The following IFT43 variants were observed in gnomAD, a reference collection of about 807,000 sequenced individuals.
IFT43 encodes the protein intraflagellar transport 43, also known as intraflagellar transport protein 43 homolog.
A neutral mutation model predicts 32.3 loss-of-function variants in IFT43; 33 were observed. The observed-to-expected ratio is 1.02, with a 90% CI of 0.77 to 1.37. The LOEUF (loss-of-function observed/expected upper bound fraction) is 1.37, where lower values mean the gene tolerates loss of function less well. IFT43 is among the 40% of genes most tolerant of loss of function. IFT43 has a pLI of 0.00. For synonymous variants in IFT43, 93 were observed against 98.2 expected (o/e 0.95, Z 0.31); for missense variants, 274 against 265.9 (o/e 1.03, Z -0.21).
intron 3 of IFT43, among the ~76,000 whole-genome samples, chr14:76,044,617 C>T (rs2140016261): frequency 6.6e-6 from 1 of 152,266 alleles, no homozygotes; most frequent in Admixed American, 6.5e-5. Flanking sequence ...GAGTAGGTTC[C>T]CCTGGTACCA....
intron 3 of IFT43, among the ~76,000 whole-genome samples, chr14:76,054,745 C>T (rs962656745): frequency 6.6e-5 from 10 of 152,252 alleles, no homozygotes; most frequent in Non-Finnish European, 1.3e-4. Context: ...AGAAATAAAC[C>T]GGCAGCCCAA....
intron 3 of IFT43, among the ~76,000 whole-genome samples, chr14:76,053,431 T>C (rs941789680): frequency 6.6e-6 from 1 of 151,898 alleles, no homozygotes; most frequent in Non-Finnish European, 1.5e-5. Flanking sequence ...ACTGGGTGAG[T>C]GTGGAGCTGA....
chr14:76,041,557 A>G (rs2036707470), intron 3 of IFT43, among the ~76,000 whole-genome samples: 1 of 152,238 alleles, frequency 6.6e-6, no homozygotes, highest in South Asian at 2.1e-4. Flanking sequence ...CTGTTTTTTA[A>G]TAAAGTCCTT....
chr14:76,024,202 G>A (rs942548364), intron 3 of IFT43, among the ~76,000 whole-genome samples: 2 of 152,178 alleles, frequency 1.3e-5, no homozygotes, highest in African/African-American at 2.4e-5. Context: ...TGAGATCTTC[G>A]GCCATCCAGG....
intron 2 of IFT43, among the ~76,000 whole-genome samples, chr14:75,999,264 TATATATATGTA>T (rs1566699547): frequency 1.6e-3 from 41 of 26,092 alleles, no homozygotes; most frequent in South Asian, 3.0e-3. Context: ...TATATATATA[TATATATATGTA>T]TATATATTTT....
At chr14:76,073,856 C>T (rs1225507412) in intron 5 of IFT43, among the ~76,000 whole-genome samples, 2 of 152,132 alleles carry the variant, frequency 1.3e-5, no homozygotes, top group African/African-American at 4.8e-5. Flanking sequence ...AGGACCCGTT[C>T]TCCCCCTCCC....
At chr14:76,016,184 G>C (rs1299595329) in intron 2 of IFT43, among the ~76,000 whole-genome samples, 2 of 152,054 alleles carry the variant, frequency 1.3e-5, no homozygotes, top group South Asian at 4.1e-4. Flanking sequence ...TTTTTATACT[G>C]TCAGGTCTTA....
At chr14:76,038,306 G>T (rs568423348) in intron 3 of IFT43, among the ~76,000 whole-genome samples, 8 of 152,256 alleles carry the variant, frequency 5.3e-5, no homozygotes, top group African/African-American at 1.9e-4. Context: ...GTGGTTTTTG[G>T]AGATGCTCGT....
intron 2 of IFT43, among the ~76,000 whole-genome samples, chr14:75,998,361 C>T (rs948172437): frequency 2.0e-5 from 3 of 152,092 alleles, no homozygotes; most frequent in African/African-American, 7.2e-5. Flanking sequence ...TGGGCTGGAG[C>T]TGGAGATTTG....
At chr14:75,997,921 C>CTTT (rs1271762507) in intron 2 of IFT43, among the ~76,000 whole-genome samples, 1 of 152,106 alleles carries the variant, frequency 6.6e-6, no homozygotes, top group Non-Finnish European at 1.5e-5. Flanking sequence ...CGGTCAAACC[C>CTTT]TTTAATGGAT....
At chr14:75,996,706 C>G (rs954132873) in intron 2 of IFT43, among the ~76,000 whole-genome samples, 5 of 152,228 alleles carry the variant, frequency 3.3e-5, no homozygotes, top group African/African-American at 1.2e-4. Context: ...ATGCAACTCT[C>G]TGTCTGAAGG....
intron 5 of IFT43, among the ~76,000 whole-genome samples, chr14:76,064,705 A>G (rs2037198971): frequency 6.6e-6 from 1 of 152,216 alleles, no homozygotes; most frequent in South Asian, 2.1e-4. Context: ...ATTTGTTCAA[A>G]GCACCAAGAG....
chr14:76,004,701 A>G (rs1420083972), intron 2 of IFT43, among the ~76,000 whole-genome samples: 2 of 151,890 alleles, frequency 1.3e-5, no homozygotes, highest in African/African-American at 4.8e-5. Context: ...AGTTTGTTCT[A>G]TGTTTTTTGT....
intron 2 of IFT43, among the ~76,000 whole-genome samples, chr14:75,998,364 G>A (rs1347396820): frequency 1.3e-5 from 2 of 152,194 alleles, no homozygotes. Context: ...GCTGGAGCTG[G>A]AGATTTGGAA....
chr14:76,049,663 C>A (rs1270624443), intron 3 of IFT43, among the ~76,000 whole-genome samples: 3 of 152,106 alleles, frequency 2.0e-5, no homozygotes, highest in African/African-American at 7.2e-5. Context: ...ACTCATACAG[C>A]GGTTCTTCTT....
intron 2 of IFT43, among the ~76,000 whole-genome samples, chr14:75,999,832 G>C (rs1406738896): frequency 1.3e-5 from 2 of 152,254 alleles, no homozygotes; most frequent in African/African-American, 4.8e-5. Flanking sequence ...GGGAACATAG[G>C]CCTGGCATTC....
At chr14:76,075,386 C>T (rs1312497151) in intron 5 of IFT43, among the ~76,000 whole-genome samples, 2 of 152,148 alleles carry the variant, frequency 1.3e-5, no homozygotes, top group Non-Finnish European at 2.9e-5. Flanking sequence ...TGCAGGGGAC[C>T]GCTCGGGAGC....
chr14:76,015,095 C>T (rs546762185), intron 2 of IFT43, among the ~76,000 whole-genome samples: 28 of 152,186 alleles, frequency 1.8e-4, no homozygotes, highest in Non-Finnish European at 3.7e-4. Flanking sequence ...GAGTTCCCCA[C>T]ATAGGTAACA....
At chr14:76,049,095 G>C (rs1439975419) in intron 3 of IFT43, among the ~76,000 whole-genome samples, 1 of 152,352 alleles carries the variant, frequency 6.6e-6, no homozygotes, top group African/African-American at 2.4e-5. Context: ...ACCCACTCCA[G>C]CAATTAAACA....
Sources: allele counts gnomAD v4.1 joint callset (sites outside exome capture counted in the v4.1 genomes callset), GRCh38; gene constraint gnomAD v4.1.1; transcripts MANE v1.5; gene names NCBI Gene and HGNC (gene_info 2026-07-23, HGNC 2026-07-21).